Variants in SRCIN1 observed in about 807,000 individuals in gnomAD.
SRCIN1 encodes P130Cas-associated protein.
A neutral mutation model predicts 116.2 loss-of-function variants in SRCIN1; 50 were observed. The observed-to-expected ratio is 0.43, with a 90% CI of 0.34 to 0.54. SRCIN1 has a LOEUF of 0.54. Ranked by LOEUF, SRCIN1 falls within the 20% of genes least tolerant of loss-of-function variation. SRCIN1 has a pLI of 0.02. For missense variants in SRCIN1, 1,446 were observed against 1,672.0 expected, an observed-to-expected ratio of 0.86 and a Z score of 2.36; for synonymous variants, 736 against 750.0, an observed-to-expected ratio of 0.98 and a Z score of 0.30.
intron 2 of SRCIN1, among the ~76,000 whole-genome samples, chr17:38,573,275 G>A (rs899122385): frequency 1.3e-5 from 2 of 152,144 alleles, no homozygotes; most frequent in East Asian, 1.9e-4. Flanking sequence ...TAACTCTCCC[G>A]TGACTTAATC....
intron 1 of SRCIN1, among the ~76,000 whole-genome samples, chr17:38,603,212 GGA>G (rs1381338424): frequency 6.6e-6 from 1 of 151,864 alleles, no homozygotes. Context: ...GGGGAGAGGG[GGA>G]GAGAGAGAGA....
Position 38,552,469 on chromosome 17 carries a change from C to T in SRCIN1, c.2458G>A (p.Asp820Asn). 6.2e-7 allele frequency: 1 copy of T among 1,602,868 alleles called. No individual in the cohort carries two copies. The highest frequency in any genetic ancestry group is 1.7e-4 in the Middle Eastern group (1 of 6,014). Residue 820 changes from aspartate (D) to asparagine (N), a missense_variant, in exon 13 of 19, where the codon GAC (aspartate) becomes AAC (asparagine). Asp to Asn is a conservative substitution (Grantham distance 23, BLOSUM62 1). Coordinates refer to ENST00000617146, the MANE Select transcript of SRCIN1 (RefSeq NM_025248.3). The surrounding 1 kb of genome is among the most constrained non-coding windows in gnomAD (Gnocchi z 5.3). Reference protein sequence around the residue: ...GLLKRCRGVTDTLAQIRRQVD... With the variant: ...GLLKRCRGVTNTLAQIRRQVD... Reference sequence around the variant, plus strand: ...GACCTTCGGATCTGGGCCAGCGTGTCCGTGACCCCGCGGCAGCGCTTGAGG... The same window carrying T: ...GACCTTCGGATCTGGGCCAGCGTGTTCGTGACCCCGCGGCAGCGCTTGAGG...
intron 14 of SRCIN1, 143 bp downstream of exon 14, chr17:38,551,742 CT>C (rs757127780): frequency 7.4e-7 from 1 of 1,344,930 alleles, no homozygotes; most frequent in Non-Finnish European, 1.0e-6. Flanking sequence ...CCTCATTATG[CT>C]TCTTAGGCTT....
chr17:38,568,173 A>C lies in SRCIN1; in HGVS notation c.345+38T>G, dbSNP rs777660154. ...GGCAGGGGCAGGGGAGGGAGAGCAC[A>C]TGCAGTTGTCATGGGAGCAGAGGCA... On this transcript the variant is annotated intron_variant, in intron 3 of 18. Coordinates refer to ENST00000617146, the MANE Select transcript of SRCIN1 (RefSeq NM_025248.3). The surrounding 1 kb of genome is among the most constrained non-coding windows in gnomAD (Gnocchi z 4.5). 1.9e-5 allele frequency: 31 copies of C among 1,611,194 alleles called. No individual in the cohort carries two copies. Among genetic ancestry groups the C allele is most frequent in the Non-Finnish European group, 2.5e-5 (30 of 1,178,326 alleles).
chr17:38,540,020 C>CAAAAAAAA (rs71138631), intron 18 of SRCIN1, among the ~76,000 whole-genome samples: 1 of 60,988 alleles, frequency 1.6e-5, no homozygotes, highest in African/African-American at 5.7e-5. Context: ...GACTCCATCT[C>CAAAAAAAA]AAAAAAAAAA....
chr17:38,560,064 G>T lies in SRCIN1; in HGVS notation c.1827C>A (p.Thr609=), dbSNP rs760397702. ...GGGAGGTTCACTCACGTGCTGAGGGGGTGGCTGCTCCATTGGAGCCTTCAA... is the reference window on the plus strand; with the variant it reads ...GGGAGGTTCACTCACGTGCTGAGGGTGTGGCTGCTCCATTGGAGCCTTCAA... ...EKIEGSNGAA[T]PSAPCGSGGR... The change falls in exon 9 of 19, where the codon ACC becomes ACA. Residue 609 remains threonine (T), a synonymous_variant. Transcript: ENST00000617146. The T allele has an allele frequency of 1.1e-4, 176 of 1,558,018 alleles. No individual in the cohort carries two copies. Among genetic ancestry groups the T allele is most frequent in the Non-Finnish European group, 1.4e-4 (166 of 1,151,024 alleles).
chr17:38,549,501 C>T (rs528264458), intron 15 of SRCIN1, among the ~76,000 whole-genome samples: 1 of 152,282 alleles, frequency 6.6e-6, no homozygotes, highest in South Asian at 2.1e-4. Flanking sequence ...TCAGGCCCCA[C>T]CTCTGGGCTG....
rs1303987759 is a variant in SRCIN1, at chr17:38,565,143, T to G, written c.346-830A>C. ...GGATGTCACAGGACAGCTTGATGGC[T>G]CTCTCCGTGGGGGAGGGGGAGTCAG... On this transcript the variant is annotated intron_variant, in intron 3 of 18. Coordinates refer to ENST00000617146, the MANE Select transcript of SRCIN1 (RefSeq NM_025248.3). Among the ~76,000 whole-genome samples the G allele has an allele frequency of 2.6e-5, 4 of 152,054 alleles. 1 individual carries two copies. The highest frequency in any genetic ancestry group is 4.2e-4 in the South Asian group (2 of 4,816).
At position 38,558,434 on chromosome 17, in the gene SRCIN1, G is replaced by A. The variant is rs559229293; in HGVS notation, c.2026-32C>T. Reference sequence around the variant, plus strand: ...GACGCACGGACGGATGGACCCGGGTGGGGGGAGCGGAGCCGCGAGGCAGGG... The same window carrying A: ...GACGCACGGACGGATGGACCCGGGTAGGGGGAGCGGAGCCGCGAGGCAGGG... On this transcript the variant is annotated intron_variant, in intron 10 of 18. Coordinates refer to ENST00000617146, the MANE Select transcript of SRCIN1 (RefSeq NM_025248.3). The surrounding 1 kb of genome is among the most constrained non-coding windows in gnomAD (Gnocchi z 4.6). 76 of 1,557,182 alleles carry A rather than the reference G, an allele frequency of 4.9e-5. No individual in the cohort carries two copies. Among genetic ancestry groups the A allele is most frequent in the East Asian group, 7.2e-5 (3 of 41,956 alleles).
intron 16 of SRCIN1, 40 bp downstream of exon 16, chr17:38,549,016 A>C: frequency 6.2e-7 from 1 of 1,608,914 alleles, no homozygotes; most frequent in Non-Finnish European, 8.5e-7. Context: ...CTTCATCCTA[A>C]CTCAGTCCCC....
intron 1 of SRCIN1, among the ~76,000 whole-genome samples, 176 bp downstream of exon 1, chr17:38,605,508 G>C (rs980755892): frequency 9.5e-4 from 142 of 149,922 alleles, no homozygotes; most frequent in Admixed American, 2.3e-3. Context: ...CCGGCGCACA[G>C]CGGTCCCCTG....
At chr17:38,573,447 T>C (rs552268402) in intron 2 of SRCIN1, among the ~76,000 whole-genome samples, 1 of 152,314 alleles carries the variant, frequency 6.6e-6, no homozygotes. Context: ...AAGTATCAAG[T>C]GATGAAAAGA....
intron 2 of SRCIN1, among the ~76,000 whole-genome samples, chr17:38,573,973 C>A (rs1171785957): frequency 6.6e-6 from 1 of 152,214 alleles, no homozygotes; most frequent in Non-Finnish European, 1.5e-5. Context: ...AAACATCCTC[C>A]CTCTGAAGGC....
At position 38,558,339 on chromosome 17, in the gene SRCIN1, C is replaced by G. The variant is rs771787909; in HGVS notation, c.2089G>C (p.Val697Leu). Residue 697 changes from valine to leucine, a missense_variant, in exon 11 of 19, where the codon GTG (valine) becomes CTG (leucine). By Grantham distance (32) the Val-to-Leu change is conservative. Around this residue, in one of 5 missense-constraint regions of SRCIN1, gnomAD observed 398 missense variants for 385.6 expected, o/e 1.03. Transcript: ENST00000617146. The surrounding 1 kb of genome is among the most constrained non-coding windows in gnomAD (Gnocchi z 4.6). ...KRTEAELSMR[V>L]SEAARRQEDP... ...TCCTGCCGCCGCGCCGCCTCCGACACGCGCATGCTCAGCTCTGCCTCCGTG... is the reference window on the plus strand; with the variant it reads ...TCCTGCCGCCGCGCCGCCTCCGACAGGCGCATGCTCAGCTCTGCCTCCGTG... 12 of 1,609,426 alleles carry G rather than the reference C, an allele frequency of 7.5e-6. No individual in the cohort carries two copies. The highest frequency in any genetic ancestry group is 1.7e-5 in the Admixed American group (1 of 59,956).
chr17:38,582,188 A>G (rs1404793666), intron 1 of SRCIN1, among the ~76,000 whole-genome samples: 2 of 152,052 alleles, frequency 1.3e-5, no homozygotes, highest in Non-Finnish European at 2.9e-5. Context: ...TCCTTCCTGG[A>G]GCCAAAAGAG....
chr17:38,600,627 A>G (rs1182149509), intron 1 of SRCIN1, among the ~76,000 whole-genome samples: 1 of 152,172 alleles, frequency 6.6e-6, no homozygotes, highest in Non-Finnish European at 1.5e-5. Flanking sequence ...GAGCTCTGAC[A>G]CCTGGCTAAG....
rs952347709 is a variant in SRCIN1, at chr17:38,572,869, G to T, written c.325-4638C>A. The T allele has an allele frequency of 1.3e-5, 2 of 151,864 alleles. No individual in the cohort carries two copies. Among genetic ancestry groups the T allele is most frequent in the African/African-American group, 4.8e-5 (2 of 41,278 alleles). The allele number at this position is 151,864 out of a possible 1,614,324, so 9.4% of individuals were successfully genotyped here. The stretch of plus-strand genomic sequence containing the variant: ...TGCCGGCCCGGGCCCCAGTCGCCCC[G>T]GTAACCGCGACTCCACCTGGCGCGG... On this transcript the variant is annotated intron_variant, in intron 2 of 18. Transcript: ENST00000617146. This position sits in a 1 kb window ranked among gnomAD's most constrained non-coding sequence, Gnocchi z 4.3.
intron 2 of SRCIN1, among the ~76,000 whole-genome samples, chr17:38,573,389 T>C (rs1259497019): frequency 1.3e-5 from 2 of 152,210 alleles, no homozygotes; most frequent in African/African-American, 4.8e-5. Context: ...GGTCCTGCAC[T>C]TAACAAAAGG....
intron 1 of SRCIN1, among the ~76,000 whole-genome samples, chr17:38,596,315 G>A (rs1908727183): frequency 6.6e-6 from 1 of 152,162 alleles, no homozygotes. Flanking sequence ...AGCCTTAGGA[G>A]CTCTCCCTTT....
Sources: gnomAD v4.1 joint callset for allele counts (sites outside exome capture counted in the v4.1 genomes callset) on GRCh38, gnomAD v4.1.1 for gene constraint, gnomAD v4.1.1 regional missense constraint, Gnocchi (gnomAD v3.1) non-coding constraint, MANE v1.5 for transcripts, NCBI Gene and HGNC (gene_info 2026-07-23, HGNC 2026-07-21) for gene names.